Variants in ROBO2 observed in about 807,000 individuals in gnomAD.
ROBO2 encodes the protein roundabout homolog 2.
Under a neutral mutation model 160.8 loss-of-function variants are expected in ROBO2, and 53 were observed. The ratio of observed to expected loss-of-function variants is 0.33; its 90% CI spans 0.26 to 0.41. The LOEUF (loss-of-function observed/expected upper bound fraction) is 0.41. Ranked by LOEUF, ROBO2 falls within the 10% of genes least tolerant of loss-of-function variation. The pLI, the probability that ROBO2 is intolerant of heterozygous loss-of-function variation, is 1.00. For synonymous variants in ROBO2, 664 were observed against 611.7 expected (o/e 1.09, Z -1.26); for missense variants, 1,577 against 1,722.4 (o/e 0.92, Z 1.49).
chr3:76,090,993 C>T (rs73842970), intron 2 of ROBO2, among the ~76,000 whole-genome samples: 3,614 of 152,206 alleles, frequency 0.024, 67 homozygotes, highest in East Asian at 0.081. Context: ...CACAAAACTA[C>T]GAAGCTCCTA....
intron 2 of ROBO2, among the ~76,000 whole-genome samples, chr3:76,065,246 G>A (rs1438157989): frequency 2.6e-5 from 4 of 152,024 alleles, no homozygotes; most frequent in Non-Finnish European, 5.9e-5. Context: ...GTGGTTGCTT[G>A]TCCTACAATT....
intron 2 of ROBO2, among the ~76,000 whole-genome samples, chr3:76,508,773 A>G (rs1352600939): frequency 6.6e-6 from 1 of 152,222 alleles, no homozygotes; most frequent in African/African-American, 2.4e-5. Context: ...GCAGTTCATT[A>G]TAAGACAAAG....
intron 2 of ROBO2, among the ~76,000 whole-genome samples, chr3:76,099,414 A>C (rs1263248727): frequency 6.6e-6 from 1 of 152,096 alleles, no homozygotes; most frequent in East Asian, 1.9e-4. Context: ...AAAAAAATGT[A>C]ATTACCAAAT....
chr3:77,628,449 G>T (rs1431397477), intron 23 of ROBO2, among the ~76,000 whole-genome samples: 5 of 51,162 alleles, frequency 9.8e-5, no homozygotes, highest in African/African-American at 2.1e-4. Flanking sequence ...TCTTTTTGTG[G>T]GGGGGGGGTA....
At chr3:76,857,669 T>C (rs1010715471) in intron 2 of ROBO2, among the ~76,000 whole-genome samples, 1 of 152,166 alleles carries the variant, frequency 6.6e-6, no homozygotes, top group Non-Finnish European at 1.5e-5. Context: ...CTAAGTTGTT[T>C]TCTCTACTTT....
chr3:76,660,376 T>G (rs1246257752), intron 2 of ROBO2, among the ~76,000 whole-genome samples: 1 of 152,160 alleles, frequency 6.6e-6, no homozygotes, highest in Non-Finnish European at 1.5e-5. Flanking sequence ...GAAAGATTAG[T>G]ATTAAATCTA....
At chr3:77,528,352 G>A (rs1480255587) in intron 6 of ROBO2, among the ~76,000 whole-genome samples, 2 of 151,616 alleles carry the variant, frequency 1.3e-5, no homozygotes, top group South Asian at 4.1e-4. Context: ...TGTCCATCTA[G>A]CTTCAAAAGC....
At chr3:76,110,140 T>A (rs1415127157) in intron 2 of ROBO2, among the ~76,000 whole-genome samples, 1 of 151,866 alleles carries the variant, frequency 6.6e-6, no homozygotes, top group Non-Finnish European at 1.5e-5. Context: ...ATGTGTGGTG[T>A]TGTATTTCAA....
intron 2 of ROBO2, among the ~76,000 whole-genome samples, chr3:77,243,067 T>G (rs1017639251): frequency 3.3e-5 from 5 of 151,712 alleles, no homozygotes; most frequent in Non-Finnish European, 5.9e-5. Flanking sequence ...CCAACCTATC[T>G]TAGCCAACTT....
chr3:76,681,719 G>A (rs1040488025), intron 2 of ROBO2, among the ~76,000 whole-genome samples: 1 of 151,908 alleles, frequency 6.6e-6, no homozygotes, highest in Non-Finnish European at 1.5e-5. Context: ...GGTCAGTGTG[G>A]CTGGAAAGGC....
intron 2 of ROBO2, among the ~76,000 whole-genome samples, chr3:77,449,468 G>A (rs1045725261): frequency 2.6e-5 from 4 of 152,008 alleles, no homozygotes; most frequent in African/African-American, 4.8e-5. Flanking sequence ...AACAAAATAT[G>A]CGTTCATTTT....
chr3:76,117,141 T>C (rs2070505432), intron 2 of ROBO2, among the ~76,000 whole-genome samples: 1 of 152,198 alleles, frequency 6.6e-6, no homozygotes, highest in Admixed American at 6.5e-5. Context: ...GGTGTTGGAA[T>C]GAATTCCTAA....
intron 2 of ROBO2, among the ~76,000 whole-genome samples, chr3:77,327,826 G>A (rs770561431): frequency 5.3e-5 from 8 of 151,992 alleles, no homozygotes; most frequent in Non-Finnish European, 1.0e-4. Context: ...GAGGTGGGTC[G>A]ATCACCTGAG....
intron 2 of ROBO2, among the ~76,000 whole-genome samples, chr3:76,683,975 T>C (rs896815528): frequency 2.6e-5 from 4 of 152,102 alleles, no homozygotes; most frequent in Non-Finnish European, 5.9e-5. Flanking sequence ...TTTCAAGCAC[T>C]TAGATTCTAG....
At chr3:77,271,717 G>C (rs2059503597) in intron 2 of ROBO2, among the ~76,000 whole-genome samples, 1 of 152,346 alleles carries the variant, frequency 6.6e-6, no homozygotes, top group Admixed American at 6.5e-5. Context: ...CCTGGTGTTT[G>C]TTGGTTGTGG....
intron 2 of ROBO2, among the ~76,000 whole-genome samples, chr3:76,015,920 T>A (rs745862467): frequency 4.2e-4 from 64 of 152,286 alleles, no homozygotes; most frequent in Admixed American, 2.0e-4. Context: ...GGACTCTCAG[T>A]GTTTTAGAAT....
intron 15 of ROBO2, among the ~76,000 whole-genome samples, chr3:77,578,894 AT>A (rs1002339178): frequency 4.0e-5 from 6 of 151,820 alleles, no homozygotes; most frequent in East Asian, 1.9e-4. Context: ...AACATGATGA[AT>A]TTTTTTTCCA....
intron 2 of ROBO2, among the ~76,000 whole-genome samples, chr3:77,328,359 A>C (rs1313854830): frequency 1.3e-5 from 2 of 152,228 alleles, no homozygotes; most frequent in Non-Finnish European, 2.9e-5. Flanking sequence ...TAAGACACAG[A>C]ACACAGTTTG....
chr3:76,232,982 A>C (rs1365618325), intron 2 of ROBO2, among the ~76,000 whole-genome samples: 1 of 152,186 alleles, frequency 6.6e-6, no homozygotes, highest in Non-Finnish European at 1.5e-5. Context: ...CTAAAGAAGA[A>C]CTGTCCTCCA....
Sources: gnomAD v4.1 joint callset for allele counts (sites outside exome capture counted in the v4.1 genomes callset) on GRCh38, gnomAD v4.1.1 for gene constraint, MANE v1.5 for transcripts, NCBI Gene and HGNC (gene_info 2026-07-23, HGNC 2026-07-21) for gene names.